Variants in AOPEP observed in about 807,000 individuals in gnomAD.
AOPEP encodes aminopeptidase O.
AOPEP carries 77 observed loss-of-function variants against 98.1 expected under a neutral mutation model. The ratio of observed to expected loss-of-function variants is 0.78; its 90% CI spans 0.65 to 0.95. AOPEP has a LOEUF of 0.95. AOPEP is among the 40% of genes least tolerant of loss of function. AOPEP has a pLI of 0.00. For missense variants in AOPEP, 1,024 were observed against 1,024.7 expected (o/e 1.00, Z 0.01); for synonymous variants, 346 against 365.3 (o/e 0.95, Z 0.60).
At chr9:95,097,098 G>A in the AOPEP span, among the ~76,000 whole-genome samples, 1 of 152,332 alleles carries the variant, frequency 6.6e-6, no homozygotes, top group South Asian at 2.1e-4. Flanking sequence ...GGAGGCATCT[G>A]GTCCAAAGTG....
At chr9:95,060,623 G>A in intron 13 of AOPEP, 71 bp from the exon 14 acceptor site, 1 of 1,009,708 alleles carries the variant, frequency 9.9e-7, no homozygotes, top group Non-Finnish European at 1.6e-6. Context: ...GTGGTCTTCA[G>A]TCTGAACATT....
At chr9:95,057,791 G>A (rs1231815520) in intron 13 of AOPEP, among the ~76,000 whole-genome samples, 1 of 152,186 alleles carries the variant, frequency 6.6e-6, no homozygotes, top group Non-Finnish European at 1.5e-5. Flanking sequence ...GGTGGCCGCA[G>A]GTTGTTTACC....
intron 11 of AOPEP, among the ~76,000 whole-genome samples, chr9:94,985,878 C>T (rs1236679633): frequency 6.6e-6 from 1 of 152,186 alleles, no homozygotes; most frequent in African/African-American, 2.4e-5. Context: ...ACAGTCACTT[C>T]CGTTCATCCA....
chr9:94,797,450 A>G (rs1847237382), intron 4 of AOPEP, among the ~76,000 whole-genome samples: 1 of 151,880 alleles, frequency 6.6e-6, no homozygotes, highest in African/African-American at 2.4e-5. Flanking sequence ...AAAAAAGTAC[A>G]GAATCCCCTG....
intron 4 of AOPEP, 40 bp downstream of exon 4, chr9:94,792,958 A>G: frequency 1.3e-6 from 2 of 1,567,892 alleles, no homozygotes; most frequent in Non-Finnish European, 1.7e-6. Flanking sequence ...AAAAAAAAAA[A>G]ACACTTGAGG....
At chr9:95,120,276 C>T in the AOPEP span, among the ~76,000 whole-genome samples, 1 of 152,118 alleles carries the variant, frequency 6.6e-6, no homozygotes, top group Non-Finnish European at 1.5e-5. Context: ...CGTTCCTTTC[C>T]CCATTGAATT....
At chr9:94,985,002 A>G (rs1167043986) in intron 11 of AOPEP, among the ~76,000 whole-genome samples, 3 of 152,190 alleles carry the variant, frequency 2.0e-5, no homozygotes, top group African/African-American at 4.8e-5. Context: ...GTGGGTTTCA[A>G]CTCCTGGTAG....
intron 11 of AOPEP, among the ~76,000 whole-genome samples, chr9:94,985,711 A>G (rs2060475572): frequency 6.6e-6 from 1 of 152,230 alleles, no homozygotes; most frequent in Admixed American, 6.5e-5. Context: ...ATAATGTGGT[A>G]TACTATTTGG....
intron 5 of AOPEP, among the ~76,000 whole-genome samples, chr9:94,851,863 T>G (rs1372963926): frequency 6.6e-6 from 1 of 151,164 alleles, no homozygotes; most frequent in Non-Finnish European, 1.5e-5. Flanking sequence ...TGGTGGTTTA[T>G]TTGGTATGGG....
rs141165986 is a variant in AOPEP at position 94,753,737 on chromosome 9, C to T, written c.-135-5912C>T. 1.6e-3 allele frequency among the ~76,000 whole-genome samples: 242 copies of T among 152,128 alleles called. 1 individual carries two copies. Among genetic ancestry groups the T allele is most frequent in the African/African-American group, 5.4e-3 (225 of 41,514 alleles). ...AAAGACAGCCAAGGCAAAAAGAGTC[C>T]AGAGCAGTTAAAAATGAAGGGATTG... On this transcript the variant is annotated intron_variant, in intron 1 of 16. Transcript: ENST00000375315.
At chr9:94,882,850 T>C (rs1400844252) in intron 5 of AOPEP, among the ~76,000 whole-genome samples, 1 of 152,230 alleles carries the variant, frequency 6.6e-6, no homozygotes, top group Non-Finnish European at 1.5e-5. Flanking sequence ...CTAAGTTGTC[T>C]CCAGAAAGGT....
chr9:95,038,231 C>A (rs1336791755), intron 13 of AOPEP, among the ~76,000 whole-genome samples: 1 of 152,156 alleles, frequency 6.6e-6, no homozygotes, highest in South Asian at 2.1e-4. Flanking sequence ...ACCAAACTCC[C>A]TGGAAAACTA....
chr9:94,742,230 A>G (rs2131967541), intron 1 of AOPEP, among the ~76,000 whole-genome samples: 1 of 152,284 alleles, frequency 6.6e-6, no homozygotes, highest in African/African-American at 2.4e-5. Context: ...GGGTCGAGTT[A>G]CAAAGAAGAG....
At chr9:94,894,021 A>G (rs2049174626) in intron 5 of AOPEP, among the ~76,000 whole-genome samples, 1 of 152,136 alleles carries the variant, frequency 6.6e-6, no homozygotes, top group African/African-American at 2.4e-5. Flanking sequence ...TTCTACTAAA[A>G]CCTCTCTGAA....
At chr9:94,749,867 T>C (rs1835299570) in intron 1 of AOPEP, among the ~76,000 whole-genome samples, 1 of 152,226 alleles carries the variant, frequency 6.6e-6, no homozygotes, top group Non-Finnish European at 1.5e-5. Flanking sequence ...CTCTACTAAT[T>C]GCTTTTTCTT....
the AOPEP span, among the ~76,000 whole-genome samples, chr9:95,141,279 T>A: frequency 8.5e-5 from 10 of 117,632 alleles, no homozygotes; most frequent in Admixed American, 1.2e-3. Context: ...ACCACTGCAC[T>A]CTAGCCTGGG....
chr9:94,980,258 C>T lies in AOPEP; in HGVS notation c.1977+831C>T, dbSNP rs1299615694. Among the ~76,000 whole-genome samples the T allele has an allele frequency of 1.3e-5, 2 of 152,228 alleles. No individual in the cohort carries two copies. Among genetic ancestry groups the T allele is most frequent in the East Asian group, 1.9e-4 (1 of 5,192 alleles). ...GTCTGAGGGTGGGATCCCAGATGCG[C>T]GGTCAGAGGACCCTGCAGGCTGGGA... On this transcript the variant is annotated intron_variant, in intron 11 of 16. Transcript: ENST00000375315. The surrounding 1 kb of genome is among the most constrained non-coding windows in gnomAD (Gnocchi z 4.3).
chr9:94,979,377 T>C lies in AOPEP; in HGVS notation c.1927T>C (p.Ser643Pro). 1 of 1,601,558 alleles carries C rather than the reference T, an allele frequency of 6.2e-7. No homozygotes were observed. The highest frequency in any genetic ancestry group is 8.5e-7 in the Non-Finnish European group (1 of 1,171,494). ...GTTTTATTTCTAAAGGCTTGAGCTG[T>C]CTGTTGAAAACATCTACCAAGACTG... ...NIPEEKRLEL[S>P]VENIYQDWLE... The change falls in exon 11 of 17, where the codon TCT becomes CCT. Residue 643 changes from serine to proline, a missense_variant. Around this residue, in one of 3 missense-constraint regions of AOPEP, gnomAD observed 566 missense variants for 551.7 expected, o/e 1.03. Coordinates refer to ENST00000375315, the MANE Select transcript of AOPEP (RefSeq NM_001193329.3).
At chr9:94,857,677 A>T (rs1329790596) in intron 5 of AOPEP, among the ~76,000 whole-genome samples, 1 of 152,130 alleles carries the variant, frequency 6.6e-6, no homozygotes, top group Non-Finnish European at 1.5e-5. Context: ...TTCAAGCCAA[A>T]CCCCAGTATA....
Sources: gnomAD v4.1 joint callset for allele counts (sites outside exome capture counted in the v4.1 genomes callset) on GRCh38, gnomAD v4.1.1 for gene constraint, gnomAD v4.1.1 regional missense constraint, Gnocchi (gnomAD v3.1) non-coding constraint, MANE v1.5 for transcripts, NCBI Gene and HGNC (gene_info 2026-07-23, HGNC 2026-07-21) for gene names.